Variants in KHDRBS2 observed in about 807,000 individuals in gnomAD.
KHDRBS2 encodes the protein KH RNA binding domain containing, signal transduction associated 2.
A neutral mutation model predicts 44.3 loss-of-function variants in KHDRBS2; 26 were observed. That is an observed-to-expected ratio of 0.59 (90% confidence interval 0.43 to 0.81). The LOEUF is 0.81. Ranked by LOEUF, KHDRBS2 falls within the 40% of genes least tolerant of loss-of-function variation. The pLI is 0.00. For missense variants in KHDRBS2, 476 were observed against 433.1 expected, an observed-to-expected ratio of 1.10 and a Z score of -0.88; for synonymous variants, 194 against 151.1, an observed-to-expected ratio of 1.28 and a Z score of -2.08.
intron 6 of KHDRBS2, among the ~76,000 whole-genome samples, chr6:61,876,522 A>C (rs1356983642): frequency 6.6e-6 from 1 of 151,972 alleles, no homozygotes; most frequent in African/African-American, 2.4e-5. Context: ...ATGAGGATCC[A>C]AGCTCATTTA....
chr6:62,127,490 C>T (rs1177870365), intron 2 of KHDRBS2, among the ~76,000 whole-genome samples: 2 of 152,080 alleles, frequency 1.3e-5, no homozygotes, highest in African/African-American at 4.8e-5. Flanking sequence ...ACTTTAAAAT[C>T]TCAATAATAT....
At chr6:62,095,287 A>G (rs529927719) in intron 2 of KHDRBS2, among the ~76,000 whole-genome samples, 18 of 151,902 alleles carry the variant, frequency 1.2e-4, no homozygotes, top group Non-Finnish European at 2.4e-4. Context: ...ACACCGATGA[A>G]AGATATATAA....
the KHDRBS2 span, among the ~76,000 whole-genome samples, chr6:61,600,655 G>A: frequency 6.6e-6 from 1 of 151,996 alleles, no homozygotes; most frequent in Non-Finnish European, 1.5e-5. Context: ...CGAAGACCCG[G>A]GTCAGAGGGA....
the KHDRBS2 span, among the ~76,000 whole-genome samples, chr6:61,613,610 C>A: frequency 1.3e-5 from 2 of 151,524 alleles, no homozygotes; most frequent in Non-Finnish European, 2.9e-5. Context: ...GCAGTCATTA[C>A]AATCTTGCTT....
rs1044585308 is a variant in KHDRBS2, at chr6:61,774,160, G to T, written c.811-41396C>A. 9.6e-4 allele frequency among the ~76,000 whole-genome samples: 146 copies of T among 152,266 alleles called. 2 individuals carry two copies. Among genetic ancestry groups the T allele is most frequent in the African/African-American group, 3.2e-3 (134 of 41,564 alleles). The stretch of plus-strand genomic sequence containing the variant: ...TTGGTGCCATATGAACTTTAAAGTA[G>T]TTTTTTCCAATTCTGTGAAGAAAGT... On this transcript the variant is annotated intron_variant, in intron 6 of 8. Coordinates refer to ENST00000281156, the MANE Select transcript of KHDRBS2 (RefSeq NM_152688.4).
chr6:61,991,917 A>G (rs1776211160), intron 3 of KHDRBS2, among the ~76,000 whole-genome samples: 1 of 152,248 alleles, frequency 6.6e-6, no homozygotes. Flanking sequence ...CAGACTGATC[A>G]ACATGGCCCT....
chr6:62,165,280 G>A (rs1818440357), intron 2 of KHDRBS2, among the ~76,000 whole-genome samples: 1 of 143,130 alleles, frequency 7.0e-6, no homozygotes, highest in Non-Finnish European at 1.5e-5. Context: ...TTTATTCATT[G>A]GCGCTTAATT....
At chr6:61,923,515 T>C (rs1472467286) in intron 4 of KHDRBS2, among the ~76,000 whole-genome samples, 2 of 152,174 alleles carry the variant, frequency 1.3e-5, no homozygotes, top group East Asian at 3.9e-4. Context: ...GCAATATTGG[T>C]TTAATATTTA....
At chr6:61,663,500 C>CATATATATATATATATATACATATAT in the KHDRBS2 span, among the ~76,000 whole-genome samples, 1 of 35,970 alleles carries the variant, frequency 2.8e-5, no homozygotes, top group African/African-American at 8.5e-5. Flanking sequence ...CATGAGACAC[C>CATATATATATATATATATACATATAT]ATATATATAT....
At chr6:61,995,723 A>G (rs1178582725) in intron 3 of KHDRBS2, among the ~76,000 whole-genome samples, 1 of 152,142 alleles carries the variant, frequency 6.6e-6, no homozygotes, top group African/African-American at 2.4e-5. Flanking sequence ...GGGGAAGGAT[A>G]TTGAAGATAT....
intron 2 of KHDRBS2, among the ~76,000 whole-genome samples, chr6:62,082,331 G>GTGTGTC (rs1554385937): frequency 1.3e-5 from 2 of 151,914 alleles, no homozygotes; most frequent in Non-Finnish European, 2.9e-5. Context: ...GTGTGTGTGT[G>GTGTGTC]TGTGTGTGAA....
chr6:62,026,150 C>T (rs994189312), intron 3 of KHDRBS2, among the ~76,000 whole-genome samples: 5 of 151,744 alleles, frequency 3.3e-5, no homozygotes, highest in Non-Finnish European at 7.4e-5. Context: ...GTATTTCAAG[C>T]TGTAAGTGTC....
At chr6:61,664,621 A>T in the KHDRBS2 span, among the ~76,000 whole-genome samples, 1 of 151,738 alleles carries the variant, frequency 6.6e-6, no homozygotes, top group Non-Finnish European at 1.5e-5. Flanking sequence ...ACACGGACAA[A>T]TTAGATGCAA....
At chr6:61,705,918 G>A (rs1430098288) in intron 7 of KHDRBS2, among the ~76,000 whole-genome samples, 1 of 151,722 alleles carries the variant, frequency 6.6e-6, no homozygotes, top group Non-Finnish European at 1.5e-5. Flanking sequence ...ATCTTTATAT[G>A]TGCTATTATT....
chr6:61,698,953 T>A (rs1181720003), intron 7 of KHDRBS2, among the ~76,000 whole-genome samples: 1 of 152,146 alleles, frequency 6.6e-6, no homozygotes, highest in Non-Finnish European at 1.5e-5. Context: ...CTTGCTTTGC[T>A]CACCTTAGCA....
At chr6:62,275,301 T>C (rs9354868) in intron 1 of KHDRBS2, among the ~76,000 whole-genome samples, 55,915 of 151,912 alleles carry the variant, frequency 0.37, 10,563 homozygotes, top group South Asian at 0.43. Flanking sequence ...GCATACCAAA[T>C]GTTCTTTCAT....
chr6:61,821,028 A>G (rs1789820108), intron 6 of KHDRBS2, among the ~76,000 whole-genome samples: 1 of 152,012 alleles, frequency 6.6e-6, no homozygotes, highest in Admixed American at 6.6e-5. Flanking sequence ...GTATCGAATG[A>G]CTATGTAAGC....
intron 6 of KHDRBS2, among the ~76,000 whole-genome samples, chr6:61,844,029 T>C (rs539935971): frequency 6.6e-6 from 1 of 152,270 alleles, no homozygotes; most frequent in African/African-American, 2.4e-5. Flanking sequence ...TCTGAGCTGT[T>C]TTAAAATTTA....
At chr6:62,200,100 A>T (rs1173969610) in intron 1 of KHDRBS2, among the ~76,000 whole-genome samples, 21 of 152,224 alleles carry the variant, frequency 1.4e-4, no homozygotes, top group Admixed American at 1.4e-3. Context: ...TGGATTAAAG[A>T]CTTACATGTT....
Sources: allele counts gnomAD v4.1 joint callset (sites outside exome capture counted in the v4.1 genomes callset), GRCh38; gene constraint gnomAD v4.1.1; transcripts MANE v1.5; gene names NCBI Gene and HGNC (gene_info 2026-07-23, HGNC 2026-07-21).